The following EPB41L3 variants were observed in gnomAD, a reference collection of about 807,000 sequenced individuals.
The protein encoded by EPB41L3 is erythrocyte membrane protein band 4.1 like 3.
EPB41L3 carries 57 observed loss-of-function variants against 127.1 expected under a neutral mutation model. The observed-to-expected ratio is 0.45, with a 90% CI of 0.36 to 0.56. The LOEUF is 0.56. EPB41L3 is among the 20% of genes least tolerant of loss of function. The pLI, the probability that EPB41L3 is intolerant of heterozygous loss-of-function variation, is 0.00. For synonymous variants in EPB41L3, 572 were observed against 549.5 expected (o/e 1.04, Z -0.57); for missense variants, 1,273 against 1,372.2 (o/e 0.93, Z 1.14).
chr18:5,596,951 G>C (rs966828333), intron 3 of EPB41L3, among the ~76,000 whole-genome samples: 1 of 152,066 alleles, frequency 6.6e-6, no homozygotes, highest in Non-Finnish European at 1.5e-5. Flanking sequence ...CAACATGATA[G>C]ATAAAAGCAT....
intron 3 of EPB41L3, among the ~76,000 whole-genome samples, chr18:5,469,422 T>C (rs1000739017): frequency 2.0e-5 from 3 of 152,198 alleles, no homozygotes; most frequent in East Asian, 1.9e-4. Flanking sequence ...TGCCTGGAGC[T>C]GTCTGCCCCG....
chr18:5,523,683 GCTGA>G (rs1433307746), intron 1 of EPB41L3, among the ~76,000 whole-genome samples: 1 of 152,030 alleles, frequency 6.6e-6, no homozygotes, highest in East Asian at 1.9e-4. Flanking sequence ...TACCTGGGAG[GCTGA>G]GGCAGGAGAA....
intron 3 of EPB41L3, among the ~76,000 whole-genome samples, chr18:5,453,756 C>T (rs2082613187): frequency 6.6e-6 from 1 of 152,170 alleles, no homozygotes; most frequent in African/African-American, 2.4e-5. Flanking sequence ...TGGAAAACTG[C>T]TTGTCCTTTT....
chr18:5,397,159 G>A lies in EPB41L3; in HGVS notation c.2740C>T (p.Leu914=), dbSNP rs759880290. The stretch of plus-strand genomic sequence containing the variant: ...GCAGCGGCTGTCTCTTCCTGTTCCA[G>A]GACAGCTTTAGCGACCTCCTCCCCT... The part of the protein sequence containing the change: ...EGGEEVAKAV[L]EQEETAAASR... The change falls in exon 18 of 23, where the codon CTG becomes TTG. Residue 914 remains leucine, a synonymous_variant. Coordinates refer to ENST00000341928, the MANE Select transcript of EPB41L3 (RefSeq NM_012307.5). This position sits in a 1 kb window ranked among gnomAD's most constrained non-coding sequence, Gnocchi z 4.1. 3.1e-6 allele frequency: 5 copies of A among 1,614,072 alleles called. No individual in the cohort carries two copies. The highest frequency in any genetic ancestry group is 1.7e-5 in the Admixed American group (1 of 60,004).
intron 3 of EPB41L3, among the ~76,000 whole-genome samples, chr18:5,567,568 T>TGAGAAA (rs1173639903): frequency 6.9e-6 from 1 of 145,154 alleles, no homozygotes; most frequent in Non-Finnish European, 1.5e-5. Flanking sequence ...TCTCAGAAAG[T>TGAGAAA]GAGAAAGAGA....
chr18:5,581,529 A>G (rs368709450), intron 3 of EPB41L3, among the ~76,000 whole-genome samples: 6 of 152,334 alleles, frequency 3.9e-5, no homozygotes, highest in Admixed American at 1.3e-4. Context: ...CAAAACAAAC[A>G]AACTCAAACC....
intron 3 of EPB41L3, among the ~76,000 whole-genome samples, chr18:5,565,158 A>G (rs2149225742): frequency 6.6e-6 from 1 of 151,924 alleles, no homozygotes; most frequent in African/African-American, 2.4e-5. Context: ...GCACTTTGGG[A>G]GGCCAAGGCA....
chr18:5,425,636 T>G (rs1234029083), intron 9 of EPB41L3, among the ~76,000 whole-genome samples: 3 of 152,134 alleles, frequency 2.0e-5, no homozygotes, highest in Admixed American at 6.5e-5. Context: ...TTTCTCTGTG[T>G]TTTATATCAA....
chr18:5,556,483 C>G (rs1272105633), intron 3 of EPB41L3, among the ~76,000 whole-genome samples: 1 of 152,192 alleles, frequency 6.6e-6, no homozygotes, highest in African/African-American at 2.4e-5. Flanking sequence ...AATGCTGCCA[C>G]AAGAGGCGGG....
intron 3 of EPB41L3, among the ~76,000 whole-genome samples, chr18:5,566,083 C>T (rs1301026616): frequency 2.6e-5 from 4 of 152,164 alleles, no homozygotes; most frequent in Non-Finnish European, 5.9e-5. Flanking sequence ...CTCACCACTC[C>T]TATTCAACAT....
chr18:5,393,718 A>G, intron 22 of EPB41L3: 1 of 415,794 alleles, frequency 2.4e-6, no homozygotes, highest in Non-Finnish European at 4.3e-6. Context: ...TCCAAAATAT[A>G]TTATTCATTT....
chr18:5,608,873 C>T (rs192959321), intron 3 of EPB41L3, among the ~76,000 whole-genome samples: 1 of 152,070 alleles, frequency 6.6e-6, no homozygotes, highest in Non-Finnish European at 1.5e-5. Flanking sequence ...ATAATTGTGT[C>T]GAATCAACAG....
At chr18:5,573,683 C>T (rs1599053443) in intron 3 of EPB41L3, among the ~76,000 whole-genome samples, 1 of 152,128 alleles carries the variant, frequency 6.6e-6, no homozygotes, top group South Asian at 2.1e-4. Flanking sequence ...TGTTCCTTTC[C>T]TACTTCTATA....
intron 13 of EPB41L3, among the ~76,000 whole-genome samples, chr18:5,412,043 A>G (rs1433742349): frequency 2.0e-5 from 3 of 152,154 alleles, no homozygotes; most frequent in African/African-American, 7.2e-5. Context: ...ATTTTCATAT[A>G]AAGGTGATTG....
chr18:5,555,998 G>A (rs1296442397), intron 3 of EPB41L3, among the ~76,000 whole-genome samples: 1 of 152,172 alleles, frequency 6.6e-6, no homozygotes, highest in South Asian at 2.1e-4. Context: ...TGTGTGTGTG[G>A]CGATTCCATG....
At chr18:5,508,704 T>G (rs911758865) in intron 1 of EPB41L3, among the ~76,000 whole-genome samples, 1 of 147,780 alleles carries the variant, frequency 6.8e-6, no homozygotes, top group Non-Finnish European at 1.5e-5. Context: ...GAGGTGGAGG[T>G]TGCAGTGAGC....
chr18:5,402,079 A>C (rs2074580789), intron 16 of EPB41L3, among the ~76,000 whole-genome samples: 1 of 151,890 alleles, frequency 6.6e-6, no homozygotes, highest in African/African-American at 2.4e-5. Context: ...AACATCTGGA[A>C]TATTCTGCAG....
At chr18:5,442,909 G>A (rs993982306) in intron 5 of EPB41L3, among the ~76,000 whole-genome samples, 3 of 152,044 alleles carry the variant, frequency 2.0e-5, no homozygotes, top group Non-Finnish European at 2.9e-5. Flanking sequence ...AAAAACAAAC[G>A]TGATTATGCT....
chr18:5,573,194 A>G (rs1294007496), intron 3 of EPB41L3, among the ~76,000 whole-genome samples: 1 of 152,228 alleles, frequency 6.6e-6, no homozygotes, highest in African/African-American at 2.4e-5. Flanking sequence ...TCCAGAATGC[A>G]TATTTATGAA....
Sources: gnomAD v4.1 joint callset for allele counts (sites outside exome capture counted in the v4.1 genomes callset) on GRCh38, gnomAD v4.1.1 for gene constraint, Gnocchi (gnomAD v3.1) non-coding constraint, MANE v1.5 for transcripts, NCBI Gene and HGNC (gene_info 2026-07-23, HGNC 2026-07-21) for gene names.